LRRC56: variants seen among roughly 807,000 people sequenced by gnomAD.
The protein encoded by LRRC56 is leucine-rich repeat-containing protein 56.
A neutral mutation model predicts 47.8 loss-of-function variants in LRRC56; 41 were observed. The ratio of observed to expected loss-of-function variants is 0.86; its 90% CI spans 0.67 to 1.11. The LOEUF (loss-of-function observed/expected upper bound fraction) is 1.11. LRRC56 is among the 50% of genes most tolerant of loss of function. The probability of loss-of-function intolerance (pLI) is 0.00; values close to 1 mark genes in which losing one functional copy is unlikely to be tolerated. For synonymous variants in LRRC56, 387 were observed against 311.2 expected, an observed-to-expected ratio of 1.24 and a Z score of -2.56; for missense variants, 759 against 704.2, an observed-to-expected ratio of 1.08 and a Z score of -0.88.
Position 554,361 on chromosome 11 carries a change from G to C in LRRC56, c.*85G>C. 1 of 1,242,486 alleles carries C rather than the reference G, an allele frequency of 8.0e-7. No individual in the cohort carries two copies. Among genetic ancestry groups the C allele is most frequent in the Non-Finnish European group, 1.1e-6 (1 of 947,542 alleles). 77.0% of individuals were successfully genotyped at this position (1,242,486 alleles called of 1,614,324 possible). On this transcript the variant is annotated 3_prime_UTR_variant, in exon 14 of 14. Coordinates refer to ENST00000270115, the MANE Select transcript of LRRC56 (RefSeq NM_198075.4). ...CACAGAGCACAGAATACCTGGGCGG[G>C]TGTGTTGGGGGGTGGAAGGAGTGCC...
At chr11:543,471 T>A (rs545462377) in intron 5 of LRRC56, among the ~76,000 whole-genome samples, 2 of 152,280 alleles carry the variant, frequency 1.3e-5, no homozygotes, top group South Asian at 4.1e-4. Context: ...CGCCTCGGCC[T>A]CCCAAAGTGC....
chr11:523,637 A>T, the LRRC56 span, among the ~76,000 whole-genome samples: 1 of 136,934 alleles, frequency 7.3e-6, no homozygotes, highest in African/African-American at 2.7e-5. Context: ...AAAAAAAAAA[A>T]GCCGGGGTTG....
chr11:552,525 T>TG lies in LRRC56; in HGVS notation c.1182-38dup, dbSNP rs753015242. ...GACCATCCCTATGTGTCCTGTCCCG[T>TG]GGGGGGATCAGGGCTGGAGCTTCTC... is the stretch of plus-strand genomic sequence containing the variant. On this transcript the variant is annotated intron_variant, in intron 12 of 13. Coordinates refer to ENST00000270115, the MANE Select transcript of LRRC56 (RefSeq NM_198075.4). The TG allele has an allele frequency of 1.1e-5, 17 of 1,538,356 alleles. No homozygotes were observed. The Admixed American group carries it at 1.3e-4, about 12-fold the overall frequency.
intron 12 of LRRC56, 99 bp downstream of exon 12, chr11:552,331 G>A (rs58139375): frequency 0.042 from 60,856 of 1,464,340 alleles, 1,427 homozygotes; most frequent in Middle Eastern, 0.06. Flanking sequence ...CCCAAGGCTC[G>A]TGGACCATCC....
At chr11:534,374 A>C (rs1230183893), upstream of LRRC56, 3 of 1,443,988 alleles carry the variant, frequency 2.1e-6, no homozygotes. Context: ...CTCCTGCCCC[A>C]CCTGCCAAGG....
In LRRC56 at chr11:553,993, T is replaced by G; in HGVS notation, c.1346T>G (p.Val449Gly). 2 of 1,612,176 alleles carry G rather than the reference T, an allele frequency of 1.2e-6. No individual in the cohort carries two copies. Among genetic ancestry groups the G allele is most frequent in the Non-Finnish European group, 1.7e-6 (2 of 1,179,708 alleles). The part of the protein sequence containing the change: ...EPSGTSSQHL[V>G]PSPPKHPRPR... ...TCCGGGACCTCGAGCCAGCACCTGGTCCCTTCACCTCCCAAGCACCCAAGG... is the reference window on the plus strand; with the variant it reads ...TCCGGGACCTCGAGCCAGCACCTGGGCCCTTCACCTCCCAAGCACCCAAGG... The change falls in exon 14 of 14, where the codon GTC becomes GGC. Residue 449 changes from valine to glycine, a missense_variant. Val to Gly is a moderately radical substitution (Grantham distance 109, BLOSUM62 -3). Coordinates refer to ENST00000270115, the MANE Select transcript of LRRC56 (RefSeq NM_198075.4).
At chr11:512,460 C>T in the LRRC56 span, among the ~76,000 whole-genome samples, 1 of 152,252 alleles carries the variant, frequency 6.6e-6, no homozygotes, top group South Asian at 2.1e-4. Flanking sequence ...GTCTCAAACT[C>T]CTGACCTCAA....
At chr11:547,478 G>A (rs927240707) in intron 6 of LRRC56, among the ~76,000 whole-genome samples, 6 of 151,382 alleles carry the variant, frequency 4.0e-5, no homozygotes, top group Non-Finnish European at 8.8e-5. Context: ...TCAGCCTCCC[G>A]AGTAGCTGGG....
At chr11:516,286 G>C in the LRRC56 span, among the ~76,000 whole-genome samples, 1 of 152,044 alleles carries the variant, frequency 6.6e-6, no homozygotes, top group African/African-American at 2.4e-5. Flanking sequence ...CCAGCTACTC[G>C]GGAGGCTGAG....
chr11:545,705 G>A (rs1039443790), intron 6 of LRRC56, among the ~76,000 whole-genome samples: 3 of 152,236 alleles, frequency 2.0e-5, no homozygotes, highest in Non-Finnish European at 4.4e-5. Context: ...TCATCGGAAG[G>A]GAAAGAACAA....
At chr11:537,236 T>C (rs72841217), upstream of LRRC56, 37,251 of 152,184 alleles carry the variant, frequency 0.24, 5,009 homozygotes, top group African/African-American at 0.35. Context: ...GACACGTGCA[T>C]CGCGACGGCC....
At chr11:522,409 G>A in the LRRC56 span, among the ~76,000 whole-genome samples, 2 of 152,132 alleles carry the variant, frequency 1.3e-5, no homozygotes, top group Non-Finnish European at 2.9e-5. Context: ...GGGACTACAG[G>A]CGGCCGCCAC....
At chr11:530,550 CA>C in the LRRC56 span, among the ~76,000 whole-genome samples, 1 of 24,864 alleles carries the variant, frequency 4.0e-5, no homozygotes, top group East Asian at 8.8e-4. Context: ...GTCCCCTGGA[CA>C]GAAGGGGGAG....
chr11:512,216 A>G, the LRRC56 span, among the ~76,000 whole-genome samples: 1 of 151,518 alleles, frequency 6.6e-6, no homozygotes, highest in Non-Finnish European at 1.5e-5. Context: ...TGCTGGGATT[A>G]TAGGTGTGAG....
Position 554,479 on chromosome 11 carries a change from A to G in LRRC56, c.*203A>G, listed in dbSNP as rs1852645128. The G allele has an allele frequency of 8.9e-6, 4 of 450,842 alleles. No individual in the cohort carries two copies. Among genetic ancestry groups the G allele is most frequent in the Middle Eastern group, 5.9e-4 (1 of 1,706 alleles). The allele number at this position is 450,842 out of a possible 1,614,324, so 27.9% of individuals were successfully genotyped here. A position where few individuals can be genotyped will look rare whatever the true frequency, so the allele number is the denominator to read the frequency against. ...GGCTGGAACCCAGTTTAGGCCCCCA[A>G]CTGGGTTTGGCCTGGGGAGGGAGGG... On this transcript the variant is annotated 3_prime_UTR_variant, in exon 14 of 14. Coordinates refer to ENST00000270115, the MANE Select transcript of LRRC56 (RefSeq NM_198075.4).
In LRRC56 at chr11:551,219, G is replaced by C. The variant is rs957054827; in HGVS notation, c.713G>C (p.Gly238Ala). ...VLDEVPAAHTGPPAPPRLSQD... is the reference protein window; with the variant it reads ...VLDEVPAAHTAPPAPPRLSQD... ...GACGAAGTGCCGGCCGCACACACAG[G>C]CCCACCGGCCCCCCCGCGGCTGAGC... Residue 238 changes from glycine to alanine, a missense_variant, in exon 9 of 14, where the codon GGC (glycine) becomes GCC (alanine). Physicochemically the swap from Gly to Ala is moderately conservative, Grantham distance 60. Coordinates refer to ENST00000270115, the MANE Select transcript of LRRC56 (RefSeq NM_198075.4). The C allele has an allele frequency of 1.9e-6, 3 of 1,547,036 alleles. No individual in the cohort carries two copies. Among genetic ancestry groups the C allele is most frequent in the Non-Finnish European group, 2.6e-6 (3 of 1,144,920 alleles).
chr11:534,641 C>A (rs1233710873), upstream of LRRC56: 1 of 464,100 alleles, frequency 2.2e-6, no homozygotes, highest in Admixed American at 3.6e-5. Flanking sequence ...GCGCTCTCAA[C>A]CACGCACCCA....
upstream of LRRC56, chr11:533,143 T>C (rs1374384694): frequency 2.5e-6 from 2 of 815,050 alleles, no homozygotes; most frequent in Non-Finnish European, 3.8e-6. Flanking sequence ...GGGTCACCGC[T>C]CCGGCCTGGC....
the LRRC56 span, among the ~76,000 whole-genome samples, chr11:516,165 G>T: frequency 1.2e-4 from 18 of 151,804 alleles, no homozygotes; most frequent in Admixed American, 2.0e-4. Context: ...AGGCCGAGGT[G>T]GGTGGATCAC....
Sources: allele counts gnomAD v4.1 joint callset (sites outside exome capture counted in the v4.1 genomes callset), GRCh38; gene constraint gnomAD v4.1.1; transcripts MANE v1.5; gene names NCBI Gene and HGNC (gene_info 2026-07-23, HGNC 2026-07-21).